MCM5: variants seen among roughly 807,000 people sequenced by gnomAD.
The protein encoded by MCM5 is DNA replication licensing factor MCM5.
Under a neutral mutation model 79.9 loss-of-function variants are expected in MCM5, and 46 were observed. The ratio of observed to expected loss-of-function variants is 0.58; its 90% CI spans 0.45 to 0.74. The LOEUF is 0.74. Among genes scored for constraint, MCM5 ranks in the 30% least tolerant of loss-of-function variants. The pLI is 0.00. For synonymous variants in MCM5, 404 were observed against 390.5 expected (o/e 1.03, Z -0.41); for missense variants, 883 against 1,017.0 (o/e 0.87, Z 1.79).
At chr22:35,434,092 T>G in the MCM5 span, among the ~76,000 whole-genome samples, 1 of 152,096 alleles carries the variant, frequency 6.6e-6, no homozygotes, top group Non-Finnish European at 1.5e-5. Flanking sequence ...CATTTTGCTG[T>G]GTGGATGGTG....
chr22:35,403,618 G>A (rs713873), intron 4 of MCM5, 76 bp downstream of exon 4: 928,448 of 1,560,358 alleles, frequency 0.6, 279,723 homozygotes, highest in African/African-American at 0.77. Context: ...TAGCTGTGTG[G>A]CCTTGAGTGA....
chr22:35,442,485 A>G, the MCM5 span, among the ~76,000 whole-genome samples: 1 of 152,178 alleles, frequency 6.6e-6, no homozygotes, highest in African/African-American at 2.4e-5. Context: ...CAGTCAAAGT[A>G]TGAAAGTGCA....
intron 8 of MCM5, among the ~76,000 whole-genome samples, chr22:35,413,267 A>G (rs1932441202): frequency 6.6e-6 from 1 of 151,988 alleles, no homozygotes; most frequent in African/African-American, 2.4e-5. Flanking sequence ...GATGGTCTCG[A>G]TCTCCTGACC....
At chr22:35,443,291 A>T in the MCM5 span, among the ~76,000 whole-genome samples, 1 of 152,144 alleles carries the variant, frequency 6.6e-6, no homozygotes, top group East Asian at 1.9e-4. Flanking sequence ...GGTTCAAGTG[A>T]TTCTCCTACC....
At position 35,418,686 on chromosome 22, in the gene MCM5, TAC is replaced by T. The variant is rs34663823; in HGVS notation, c.1703+853_1703+854del. Among the ~76,000 whole-genome samples the T allele has an allele frequency of 9.3e-3, 1,385 of 149,040 alleles. 15 individuals are homozygous for T. Among genetic ancestry groups the T allele is most frequent in the African/African-American group, 0.026 (1,067 of 40,428 alleles). On this transcript the variant is annotated intron_variant, in intron 13 of 16. Transcript: ENST00000216122. ...AAAAAAAAAAATATATATATATGTG[TAC>T]ACACACACACACACACACACACTCA...
rs1051616912 is a variant in MCM5 at position 35,408,288 on chromosome 22, T to C, written c.597-120T>C. On this transcript the variant is annotated intron_variant, in intron 5 of 16. Transcript: ENST00000216122. ...GCCTGCCTGGCTTATCTCCAGCTTA[T>C]TCTGGAGACCCCCATAAATTGCCGC... The C allele has an allele frequency of 8.1e-5, 70 of 867,008 alleles. 1 individual carries two copies. The highest frequency in any genetic ancestry group is 9.7e-5 in the Admixed American group (4 of 41,038). The allele number at this position is 867,008 out of a possible 1,614,324, so 53.7% of individuals were successfully genotyped here.
the MCM5 span, among the ~76,000 whole-genome samples, chr22:35,438,441 A>G: frequency 1.7e-4 from 26 of 148,792 alleles, no homozygotes; most frequent in Admixed American, 1.7e-3. Context: ...CCACATATTC[A>G]TCCATCCATC....
downstream of MCM5, among the ~76,000 whole-genome samples, chr22:35,429,332 C>G (rs1223967519): frequency 6.6e-6 from 1 of 151,872 alleles, no homozygotes; most frequent in Non-Finnish European, 1.5e-5. Context: ...CTCCAAATTA[C>G]AGATGAGAAA....
intron 2 of MCM5, among the ~76,000 whole-genome samples, chr22:35,402,059 G>A (rs1485747712): frequency 6.6e-6 from 1 of 152,168 alleles, no homozygotes; most frequent in Non-Finnish European, 1.5e-5. Flanking sequence ...CTGTGCGTTG[G>A]TCAGTGGTCC....
chr22:35,417,608 C>G, intron 12 of MCM5, 136 bp from the exon 13 acceptor site: 1 of 680,964 alleles, frequency 1.5e-6, no homozygotes, highest in Admixed American at 2.1e-5. Flanking sequence ...AGGCTGAGCA[C>G]GCCTGAGATC....
At chr22:35,449,818 G>A in the MCM5 span, among the ~76,000 whole-genome samples, 15 of 152,212 alleles carry the variant, frequency 9.9e-5, no homozygotes, top group East Asian at 1.7e-3. Context: ...GTCTCACTCT[G>A]TCTCCCAGGC....
intron 12 of MCM5, among the ~76,000 whole-genome samples, chr22:35,417,364 G>A (rs183012908): frequency 2.0e-5 from 3 of 152,318 alleles, no homozygotes; most frequent in Admixed American, 2.0e-4. Context: ...GGAAAGAGGA[G>A]GCCCCGTCTT....
chr22:35,419,905 A>G lies in MCM5; in HGVS notation c.1725A>G (p.Ser575=). Residue 575 remains serine, a synonymous_variant, in exon 14 of 17, where the codon TCA becomes TCG. Transcript: ENST00000216122. ...YCRVKCGPRL[S]AEAAEKLKNR... Reference sequence around the variant, plus strand: ...GCAGGAAGTGTGGCCCCCGGCTGTCAGCAGAGGCTGCAGAGAAACTGAAGA... The same window carrying G: ...GCAGGAAGTGTGGCCCCCGGCTGTCGGCAGAGGCTGCAGAGAAACTGAAGA... 6.2e-7 allele frequency: 1 copy of G among 1,612,638 alleles called. No homozygotes were observed. Among genetic ancestry groups the G allele is most frequent in the Non-Finnish European group, 8.5e-7 (1 of 1,179,336 alleles).
At chr22:35,402,417 G>C (rs1191966282) in intron 2 of MCM5, among the ~76,000 whole-genome samples, 1 of 150,908 alleles carries the variant, frequency 6.6e-6, no homozygotes, top group East Asian at 1.9e-4. Flanking sequence ...ACTGCTGCCT[G>C]CCGGGTTCAA....
the MCM5 span, among the ~76,000 whole-genome samples, chr22:35,447,826 G>T: frequency 5.9e-3 from 902 of 152,290 alleles, 20 homozygotes; most frequent in African/African-American, 0.021. Flanking sequence ...CAGGCAAGGA[G>T]CGGGGCTGGG....
In MCM5 at chr22:35,424,989, C is replaced by G. The variant is rs2145805887; in HGVS notation, c.*734C>G. The G allele has an allele frequency of 6.6e-6, 1 of 152,318 alleles. No individual in the cohort carries two copies. The highest frequency in any genetic ancestry group is 2.1e-4 in the South Asian group (1 of 4,832). 9.4% of individuals were successfully genotyped at this position (152,318 alleles called of 1,614,324 possible). A position where few individuals can be genotyped will look rare whatever the true frequency, so the allele number is the denominator to read the frequency against. On this transcript the variant is annotated 3_prime_UTR_variant, in exon 17 of 17. Transcript: ENST00000216122. ...AACTAGGACTCCAGCCAGTTCTTTCCTGGTGGGCCACGTGTAACTGTGTGG... is the reference window on the plus strand; with the variant it reads ...AACTAGGACTCCAGCCAGTTCTTTCGTGGTGGGCCACGTGTAACTGTGTGG...
the MCM5 span, among the ~76,000 whole-genome samples, chr22:35,438,602 C>CCACCCACCCACCCATCCATCCATCCAT: frequency 1.8e-5 from 1 of 57,076 alleles, no homozygotes; most frequent in Non-Finnish European, 3.1e-5. Context: ...CATGCATCCA[C>CCACCCACCCACCCATCCATCCATCCAT]CCACCCACAT....
chr22:35,416,261 TGTTA>T (rs1932535940), intron 10 of MCM5, 74 bp from the exon 11 acceptor site: 1 of 1,381,958 alleles, frequency 7.2e-7, no homozygotes, highest in East Asian at 2.3e-5. Flanking sequence ...TGAGGGCTGC[TGTTA>T]GTTTTCCTGT....
At chr22:35,452,867 C>A in the MCM5 span, among the ~76,000 whole-genome samples, 6 of 152,274 alleles carry the variant, frequency 3.9e-5, 1 homozygote, top group South Asian at 8.3e-4. Flanking sequence ...TGTGTCCCGT[C>A]CGCCTTGCAT....
Sources: gnomAD v4.1 joint callset for allele counts (sites outside exome capture counted in the v4.1 genomes callset) on GRCh38, gnomAD v4.1.1 for gene constraint, MANE v1.5 for transcripts, NCBI Gene and HGNC (gene_info 2026-07-23, HGNC 2026-07-21) for gene names.